JAK1: variants seen among roughly 807,000 people sequenced by gnomAD.
The protein encoded by JAK1 is Janus kinase 1.
A neutral mutation model predicts 136.6 loss-of-function variants in JAK1; 16 were observed. The observed-to-expected ratio is 0.12, with a 90% CI of 0.08 to 0.18. The LOEUF (loss-of-function observed/expected upper bound fraction) is 0.18, where lower values mean the gene tolerates loss of function less well. Ranked by LOEUF, JAK1 falls within the 10% of genes least tolerant of loss-of-function variation. JAK1 has a pLI of 1.00. For missense variants in JAK1, 859 were observed against 1,450.1 expected (o/e 0.59, Z 6.62); for synonymous variants, 492 against 519.5 (o/e 0.95, Z 0.72).
intron 1 of JAK1, among the ~76,000 whole-genome samples, chr1:64,900,604 C>G (rs1361100349): frequency 6.6e-6 from 1 of 152,170 alleles, no homozygotes; most frequent in Non-Finnish European, 1.5e-5. Flanking sequence ...TGTCTCTGTT[C>G]TAACTCTGTT....
At chr1:65,014,810 G>T (rs1245528219) in intron 2 of JAK1, among the ~76,000 whole-genome samples, 1 of 151,362 alleles carries the variant, frequency 6.6e-6, no homozygotes, top group Admixed American at 6.6e-5. Flanking sequence ...TCAGCCTCCC[G>T]AATAGCTGGG....
intron 1 of JAK1, among the ~76,000 whole-genome samples, chr1:64,932,822 A>G (rs960104587): frequency 1.4e-4 from 21 of 152,142 alleles, no homozygotes; most frequent in African/African-American, 4.1e-4. Flanking sequence ...ACTGCCCACA[A>G]TCTCTGTTCC....
At chr1:65,012,032 T>G (rs552943382) in intron 2 of JAK1, among the ~76,000 whole-genome samples, 5 of 152,288 alleles carry the variant, frequency 3.3e-5, no homozygotes. Flanking sequence ...GCCTGTTAGC[T>G]CCTGTGTGGT....
upstream of JAK1, among the ~76,000 whole-genome samples, chr1:64,968,260 T>C (rs79912581): frequency 0.06 from 9,085 of 151,976 alleles, 526 homozygotes; most frequent in East Asian, 0.26. Flanking sequence ...TGTTCGTCTA[T>C]AACAGACATT....
chr1:64,917,312 A>C (rs1645415107), intron 1 of JAK1, among the ~76,000 whole-genome samples: 1 of 152,244 alleles, frequency 6.6e-6, no homozygotes. Flanking sequence ...CGAAGTATGA[A>C]GGAAGAATCA....
intron 1 of JAK1, among the ~76,000 whole-genome samples, chr1:64,922,082 T>C (rs1328788709): frequency 6.6e-6 from 1 of 151,934 alleles, no homozygotes; most frequent in Non-Finnish European, 1.5e-5. Flanking sequence ...CAGCAGTTCT[T>C]TCAGTGACAA....
At position 64,855,512 on chromosome 1, in the gene JAK1, G is replaced by A. The variant is rs1655870158; in HGVS notation, c.1645C>T (p.Arg549Ter). ...MLKRCCQPKP[R>*]EISNLLVATK... ...GCTCTGGCACAGGGAGACGAACCTC[G>A]GGGCTTGGGCTGGCAGCAGCGTTTT... Residue 549 changes from arginine to a stop codon, truncating the protein, a stop_gained, in exon 11 of 25, where the codon CGA becomes TGA. Coordinates refer to ENST00000342505, the MANE Select transcript of JAK1 (RefSeq NM_002227.4). LOFTEE classifies it high-confidence loss of function. 2 of 1,613,746 alleles carry A rather than the reference G, an allele frequency of 1.2e-6. No homozygotes were observed. Among genetic ancestry groups the A allele is most frequent in the Non-Finnish European group, 1.7e-6 (2 of 1,179,794 alleles).
intron 12 of JAK1, chr1:64,848,012 A>C: frequency 4.6e-6 from 1 of 217,278 alleles, no homozygotes; most frequent in Non-Finnish European, 9.0e-6. Flanking sequence ...CATGGGTCCC[A>C]CCCCAGGCCT....
At chr1:64,914,917 C>T (rs1320250594) in intron 1 of JAK1, among the ~76,000 whole-genome samples, 3 of 152,078 alleles carry the variant, frequency 2.0e-5, no homozygotes, top group East Asian at 1.9e-4. Context: ...ACTTGGGGAA[C>T]GTGTGATGGG....
intron 1 of JAK1, among the ~76,000 whole-genome samples, chr1:64,895,863 C>T (rs1006307929): frequency 1.3e-5 from 2 of 152,336 alleles, no homozygotes; most frequent in Non-Finnish European, 1.5e-5. Flanking sequence ...ATGATCACAT[C>T]TAGGGATGCT....
chr1:64,899,968 T>C (rs1240069865), intron 1 of JAK1, among the ~76,000 whole-genome samples: 1 of 152,216 alleles, frequency 6.6e-6, no homozygotes, highest in Non-Finnish European at 1.5e-5. Context: ...CAAGAATAAT[T>C]ACCTGTGAGT....
chr1:65,035,329 ATTC>A (rs994142682), intron 2 of JAK1, among the ~76,000 whole-genome samples: 4 of 152,156 alleles, frequency 2.6e-5, no homozygotes, highest in Non-Finnish European at 4.4e-5. Context: ...TAGTCAGAGA[ATTC>A]TTCTCTTCCT....
chr1:65,040,311 C>A, intron 2 of JAK1, among the ~76,000 whole-genome samples: 1 of 152,052 alleles, frequency 6.6e-6, no homozygotes, highest in African/African-American at 2.4e-5. Flanking sequence ...TGGAAAGAAT[C>A]TGTTCCTTGA....
chr1:64,857,940 G>A lies in JAK1; in HGVS notation c.1335-161C>T, dbSNP rs145136209. On this transcript the variant is annotated intron_variant, in intron 9 of 24. Transcript: ENST00000342505. The stretch of plus-strand genomic sequence containing the variant: ...GTCCCCTCTGATGCCATCCATGAGC[G>A]TAGCGGAAATACCGAGTGGCCTCAG... Among the ~76,000 whole-genome samples the A allele has an allele frequency of 6.0e-4, 92 of 152,296 alleles. 1 individual carries two copies. Among genetic ancestry groups the A allele is most frequent in the Admixed American group, 2.4e-3 (36 of 15,306 alleles).
intron 2 of JAK1, among the ~76,000 whole-genome samples, chr1:65,034,231 C>T (rs570932111): frequency 5.3e-5 from 8 of 152,136 alleles, no homozygotes; most frequent in African/African-American, 1.2e-4. Flanking sequence ...TTGAGGAAAA[C>T]GGGATGGCAT....
intron 1 of JAK1, among the ~76,000 whole-genome samples, chr1:64,920,900 A>C (rs1645483420): frequency 6.6e-6 from 1 of 152,210 alleles, no homozygotes; most frequent in African/African-American, 2.4e-5. Context: ...AACTGTCCCT[A>C]ATATCCTACT....
At chr1:64,888,427 G>A (rs533964836) in intron 1 of JAK1, among the ~76,000 whole-genome samples, 10 of 152,256 alleles carry the variant, frequency 6.6e-5, no homozygotes, top group South Asian at 4.2e-4. Flanking sequence ...TGATCCGCCC[G>A]CCTCAGCCTC....
At chr1:64,896,927 T>C (rs1480618909) in intron 1 of JAK1, among the ~76,000 whole-genome samples, 1 of 152,180 alleles carries the variant, frequency 6.6e-6, no homozygotes, top group Admixed American at 6.5e-5. Context: ...TGTTTTCTCA[T>C]TTGCAAATAA....
chr1:64,996,252 C>T (rs1646702877), intron 2 of JAK1, among the ~76,000 whole-genome samples: 1 of 152,220 alleles, frequency 6.6e-6, no homozygotes, highest in Admixed American at 6.5e-5. Flanking sequence ...CTAGTGCCAT[C>T]ATGCCCACCC....
Sources: gnomAD v4.1 joint callset for allele counts (sites outside exome capture counted in the v4.1 genomes callset) on GRCh38, gnomAD v4.1.1 for gene constraint, MANE v1.5 for transcripts, NCBI Gene and HGNC (gene_info 2026-07-23, HGNC 2026-07-21) for gene names.